KCNIP4: variants seen among roughly 807,000 people sequenced by gnomAD.
The protein encoded by KCNIP4 is potassium voltage-gated channel interacting protein 4, also known as Kv channel-interacting protein 4.
In KCNIP4, 12 loss-of-function variants were observed where a neutral mutation model predicts 34.0. The ratio of observed to expected loss-of-function variants is 0.35; its 90% CI spans 0.23 to 0.57. The LOEUF (loss-of-function observed/expected upper bound fraction) is 0.57. KCNIP4 is among the 20% of genes least tolerant of loss of function. The pLI is 0.83. For missense variants in KCNIP4, 238 were observed against 311.7 expected (o/e 0.76, Z 1.78); for synonymous variants, 124 against 102.2 (o/e 1.21, Z -1.29).
At chr4:21,072,474 T>A (rs74979298) in intron 1 of KCNIP4, among the ~76,000 whole-genome samples, 40,359 of 151,636 alleles carry the variant, frequency 0.27, 5,586 homozygotes, top group African/African-American at 0.34. Flanking sequence ...TCCTTCACCC[T>A]CTTTTTGATG....
chr4:21,701,080 T>C (rs1026150298), intron 1 of KCNIP4, among the ~76,000 whole-genome samples: 1 of 152,048 alleles, frequency 6.6e-6, no homozygotes, highest in Non-Finnish European at 1.5e-5. Context: ...CTTATACAAA[T>C]TAGGAAATTC....
chr4:20,892,646 A>G (rs1200035883), intron 1 of KCNIP4, among the ~76,000 whole-genome samples: 1 of 152,180 alleles, frequency 6.6e-6, no homozygotes, highest in African/African-American at 2.4e-5. Context: ...GTTCTTAACA[A>G]AACATTTAGA....
chr4:21,530,472 T>C (rs2108975899), intron 1 of KCNIP4, among the ~76,000 whole-genome samples: 1 of 152,280 alleles, frequency 6.6e-6, no homozygotes, highest in Admixed American at 6.5e-5. Flanking sequence ...CTTAGGAAAA[T>C]ACAGTCTGAA....
rs748530026 is a variant in KCNIP4, at chr4:21,299,591, G to A, written c.62-416882C>T. ...CTCTGATACCCCAAAACACATAAGCGTTGGCATGCCATTGCACTGGAGGAA... is the reference window on the plus strand; with the variant it reads ...CTCTGATACCCCAAAACACATAAGCATTGGCATGCCATTGCACTGGAGGAA... On this transcript the variant is annotated intron_variant, in intron 1 of 8. Coordinates refer to ENST00000382152, the MANE Select transcript of KCNIP4 (RefSeq NM_025221.6). 4.8e-4 allele frequency among the ~76,000 whole-genome samples: 73 copies of A among 152,072 alleles called. 1 individual carries two copies. Among genetic ancestry groups the A allele is most frequent in the African/African-American group, 1.6e-3 (65 of 41,408 alleles).
intron 1 of KCNIP4, among the ~76,000 whole-genome samples, chr4:21,712,734 G>A (rs759492916): frequency 2.0e-5 from 3 of 151,932 alleles, no homozygotes; most frequent in Non-Finnish European, 2.9e-5. Flanking sequence ...CTATGGACAC[G>A]TGCTGTTGTG....
intron 1 of KCNIP4, among the ~76,000 whole-genome samples, chr4:21,693,774 T>C (rs2109048864): frequency 6.6e-6 from 1 of 152,290 alleles, no homozygotes; most frequent in Middle Eastern, 3.4e-3. Flanking sequence ...CTGCTTTTAA[T>C]AATATAATTT....
At chr4:21,824,139 T>C (rs1722537177) in intron 1 of KCNIP4, among the ~76,000 whole-genome samples, 1 of 152,150 alleles carries the variant, frequency 6.6e-6, no homozygotes, top group Non-Finnish European at 1.5e-5. Flanking sequence ...TCTAACGGAC[T>C]CCATCTTGCT....
chr4:21,453,730 T>C (rs1288441035), intron 1 of KCNIP4, among the ~76,000 whole-genome samples: 1 of 152,082 alleles, frequency 6.6e-6, no homozygotes, highest in Non-Finnish European at 1.5e-5. Context: ...TGCCTTATAG[T>C]GTTTGATTTT....
At chr4:20,989,561 G>A (rs968584197) in intron 1 of KCNIP4, among the ~76,000 whole-genome samples, 7 of 152,178 alleles carry the variant, frequency 4.6e-5, no homozygotes, top group Admixed American at 3.3e-4. Flanking sequence ...CAAGCCATCA[G>A]GATGGTTGGC....
chr4:21,467,309 C>A (rs1730069873), intron 1 of KCNIP4, among the ~76,000 whole-genome samples: 1 of 152,088 alleles, frequency 6.6e-6, no homozygotes, highest in Non-Finnish European at 1.5e-5. Flanking sequence ...TTCCTGCAGC[C>A]AACTTCCAAA....
intron 4 of KCNIP4, among the ~76,000 whole-genome samples, chr4:20,750,304 C>G (rs1753372063): frequency 6.6e-6 from 1 of 152,132 alleles, no homozygotes; most frequent in South Asian, 2.1e-4. Flanking sequence ...TAGCCCTCAG[C>G]CAGTACCAGG....
intron 1 of KCNIP4, among the ~76,000 whole-genome samples, chr4:21,397,760 G>A (rs548687864): frequency 6.6e-6 from 1 of 152,320 alleles, no homozygotes; most frequent in African/African-American, 2.4e-5. Context: ...TGCTATGAAA[G>A]AATGGGGACT....
chr4:20,983,477 TG>T (rs1425779917), intron 1 of KCNIP4, among the ~76,000 whole-genome samples: 1 of 152,184 alleles, frequency 6.6e-6, no homozygotes, highest in Non-Finnish European at 1.5e-5. Context: ...CATTAAGGTG[TG>T]GTAACCAACA....
chr4:21,021,102 T>C (rs1355131700), intron 1 of KCNIP4, among the ~76,000 whole-genome samples: 1 of 152,228 alleles, frequency 6.6e-6, no homozygotes, highest in Non-Finnish European at 1.5e-5. Flanking sequence ...GCTCCTAGGC[T>C]GCAAACCTGT....
At chr4:21,020,768 A>G (rs934080557) in intron 1 of KCNIP4, among the ~76,000 whole-genome samples, 101 of 152,156 alleles carry the variant, frequency 6.6e-4, no homozygotes, top group African/African-American at 2.4e-3. Context: ...TTATGCAAAG[A>G]TTGAGTGAAT....
At chr4:21,811,340 C>T (rs1461572023) in intron 1 of KCNIP4, among the ~76,000 whole-genome samples, 1 of 152,104 alleles carries the variant, frequency 6.6e-6, no homozygotes, top group African/African-American at 2.4e-5. Context: ...GTATACAGTA[C>T]TATATAAGGA....
chr4:21,577,221 T>C (rs1740811818), intron 1 of KCNIP4, among the ~76,000 whole-genome samples: 1 of 152,174 alleles, frequency 6.6e-6, no homozygotes, highest in African/African-American at 2.4e-5. Flanking sequence ...GAAAAACCCT[T>C]GACTCTAACT....
chr4:20,814,621 G>A (rs977696872), intron 3 of KCNIP4, among the ~76,000 whole-genome samples: 19 of 152,028 alleles, frequency 1.2e-4, no homozygotes, highest in African/African-American at 1.7e-4. Flanking sequence ...GCCCTTTTTC[G>A]TAACTGTTGA....
chr4:20,983,945 T>A, intron 1 of KCNIP4: 1 of 1,535,898 alleles, frequency 6.5e-7, no homozygotes, highest in Non-Finnish European at 8.7e-7. Flanking sequence ...TGGCAGAGCA[T>A]CCCAGCCTCC....
Sources: gnomAD v4.1 joint callset for allele counts (sites outside exome capture counted in the v4.1 genomes callset) on GRCh38, gnomAD v4.1.1 for gene constraint, MANE v1.5 for transcripts, NCBI Gene and HGNC (gene_info 2026-07-23, HGNC 2026-07-21) for gene names.